The following ITIH6 variants were observed in gnomAD, a reference collection of about 807,000 sequenced individuals.
The protein encoded by ITIH6 is inter-alpha-trypsin inhibitor heavy chain family member 6.
ITIH6 carries 60 observed loss-of-function variants against 58.2 expected under a neutral mutation model. The ratio of observed to expected loss-of-function variants is 1.03; its 90% CI spans 0.84 to 1.28. The LOEUF (loss-of-function observed/expected upper bound fraction) is 1.28, where lower values mean the gene tolerates loss of function less well. ITIH6 is among the 50% of genes most tolerant of loss of function. ITIH6 has a pLI of 0.00. For missense variants in ITIH6, 1,290 were observed against 1,021.1 expected (o/e 1.26, Z -3.59); for synonymous variants, 493 against 417.4 (o/e 1.18, Z -2.21).
intron 2 of ITIH6, among the ~76,000 whole-genome samples, chrX:54,793,117 C>G (rs1929377979): frequency 9.0e-6 from 1 of 111,275 alleles, no homozygotes; most frequent in Admixed American, 9.6e-5. Context: ...GAACTTCAGA[C>G]CCATCCAATT....
rs1469099263 is a variant in ITIH6 at position 54,791,088 on chromosome X, G to A, written c.369-4C>T. The stretch of plus-strand genomic sequence containing the variant: ...GAACTTCTCTGATTCCCGGTCCCTG[G>A]GCAGGAAAGGGAGGATGGTGGGAAG... On this transcript the variant is annotated splice_region_variant and splice_polypyrimidine_tract_variant and intron_variant, in intron 3 of 12. Coordinates refer to ENST00000218436, the MANE Select transcript of ITIH6 (RefSeq NM_198510.3). 7.5e-6 allele frequency: 9 copies of A among 1,207,954 alleles called. No homozygotes were observed.
chrX:54,759,685 G>T, intron 7 of ITIH6, 71 bp downstream of exon 7: 2 of 894,478 alleles, frequency 2.2e-6, no homozygotes, highest in Non-Finnish European at 3.1e-6. Flanking sequence ...ATGGGGGAAT[G>T]AAGAGAGGGT....
chrX:54,797,529 C>T (rs755932267), intron 1 of ITIH6, among the ~76,000 whole-genome samples: 1 of 112,135 alleles, frequency 8.9e-6, no homozygotes, highest in South Asian at 3.7e-4. Flanking sequence ...AGCAGAGCAT[C>T]CGCCATTCAT....
At chrX:54,773,856 G>A (rs1929001417) in intron 6 of ITIH6, among the ~76,000 whole-genome samples, 1 of 110,123 alleles carries the variant, frequency 9.1e-6, no homozygotes. Context: ...GGTCTCAATG[G>A]TTTCACAGTG....
intron 6 of ITIH6, among the ~76,000 whole-genome samples, chrX:54,768,718 C>T (rs1409270173): frequency 9.6e-6 from 1 of 103,908 alleles, no homozygotes; most frequent in Non-Finnish European, 1.9e-5. Context: ...CCACTCTCTT[C>T]TGGCTTGTAG....
At chrX:54,794,923 ACCT>A (rs1929413848) in intron 2 of ITIH6, among the ~76,000 whole-genome samples, 1 of 111,288 alleles carries the variant, frequency 9.0e-6, no homozygotes, top group African/African-American at 3.3e-5. Flanking sequence ...CTTGTTTATC[ACCT>A]CAACAGGGTA....
Position 54,751,319 on chromosome X carries a change from A to T in ITIH6, c.3414T>A (p.Thr1138=), listed in dbSNP as rs755171349. ...CTGTGATGATCTGGAAGTAGGTGCG[A>T]GTCTGGTCCTTGTGGCCCGGCCTTG... ...APPRPGHKDQ[T]RTYFQIITVT... The change falls in exon 12 of 13, where the codon ACT becomes ACA. Residue 1138 remains threonine, a synonymous_variant. Transcript: ENST00000218436. 8.3e-7 allele frequency: 1 copy of T among 1,211,786 alleles called. No homozygotes were observed.
rs867495867 is a variant in ITIH6, at chrX:54,760,402, C to T, written c.904-475G>A. ...TATATGGTTCCTGGGCTCCATGACC[C>T]GGGATTCAATGATGTTTAGGACCTT... is the stretch of plus-strand genomic sequence containing the variant. On this transcript the variant is annotated intron_variant, in intron 6 of 12. Coordinates refer to ENST00000218436, the MANE Select transcript of ITIH6 (RefSeq NM_198510.3). Among the ~76,000 whole-genome samples the T allele has an allele frequency of 1.8e-4, 20 of 110,915 alleles. 1 individual carries two copies. The Middle Eastern group carries it at 0.023, about 128-fold the overall frequency.
At chrX:54,770,384 C>T (rs779698292) in intron 6 of ITIH6, among the ~76,000 whole-genome samples, 2 of 112,924 alleles carry the variant, frequency 1.8e-5, no homozygotes, top group African/African-American at 3.2e-5. Flanking sequence ...TGTTCCTATT[C>T]GGCCATCTTG....
chrX:54,758,047 G>A lies in ITIH6; in HGVS notation c.2027C>T (p.Ala676Val), dbSNP rs1449017771. The A allele has an allele frequency of 8.3e-7, 1 of 1,211,073 alleles. No individual in the cohort carries two copies. The highest frequency in any genetic ancestry group is 1.1e-6 in the Non-Finnish European group (1 of 894,794). The change falls in exon 8 of 13, where the codon GCC becomes GTC. Residue 676 changes from alanine (A) to valine (V), a missense_variant. Physicochemically the swap from Ala to Val is moderately conservative, Grantham distance 64 (BLOSUM62 0). Coordinates refer to ENST00000218436, the MANE Select transcript of ITIH6 (RefSeq NM_198510.3). ...GGAACTTAGCATCTTCTTGGTAGAG[G>A]CAGTAGTAGTTGAGGATAAGTAGAA... The part of the protein sequence containing the change: ...PKFYLSSTTT[A>V]STKKMLSSKE...
At chrX:54,783,156 C>T (rs189867925) in intron 5 of ITIH6, among the ~76,000 whole-genome samples, 1 of 111,998 alleles carries the variant, frequency 8.9e-6, no homozygotes, top group African/African-American at 3.2e-5. Context: ...TGACAAAAAC[C>T]TTCAAAACAC....
At chrX:54,783,666 A>G (rs1929187819) in intron 5 of ITIH6, among the ~76,000 whole-genome samples, 1 of 112,062 alleles carries the variant, frequency 8.9e-6, no homozygotes, top group South Asian at 3.7e-4. Flanking sequence ...AGTATAAAAC[A>G]CTGTTAAAGG....
At position 54,770,721 on chromosome X, in the gene ITIH6, T is replaced by G. The variant is rs371391297; in HGVS notation, c.903+3360A>C. 4.2e-4 allele frequency among the ~76,000 whole-genome samples: 47 copies of G among 112,534 alleles called. 1 individual carries two copies. The East Asian group carries it at 9.7e-3, about 23-fold the overall frequency. Reference sequence around the variant, plus strand: ...ACATTCACTAAATACATTGTTATTTTGAAAAAATATTATCTGTTAGGTCAG... The same window carrying G: ...ACATTCACTAAATACATTGTTATTTGGAAAAAATATTATCTGTTAGGTCAG... On this transcript the variant is annotated intron_variant, in intron 6 of 12. Transcript: ENST00000218436.
In ITIH6 at chrX:54,751,266, G is replaced by A. The variant is rs761540029; in HGVS notation, c.3467C>T (p.Thr1156Ile). The change falls in exon 12 of 13, where the codon ACT becomes ATT. Residue 1156 changes from threonine (T) to isoleucine (I), a missense_variant. Thr to Ile is a moderately conservative substitution (Grantham distance 89). Transcript: ENST00000218436. ...TVTTDKPRAY[T>I]ITISRSSISL... ...TATAGAACTGCGGCTGATGGTGATAGTATAGGCCCGGGGTTTGTCTGTAGT... is the reference window on the plus strand; with the variant it reads ...TATAGAACTGCGGCTGATGGTGATAATATAGGCCCGGGGTTTGTCTGTAGT... 8.3e-7 allele frequency: 1 copy of A among 1,212,056 alleles called. No homozygotes were observed.
Position 54,757,362 on chromosome X carries a change from G to T in ITIH6, c.2712C>A (p.Phe904Leu), listed in dbSNP as rs745796627. ...RPPLPESLST[F>L]PNTISSSTGP... ...CTGTGGAACTTGAGATTGTATTTGG[G>T]AATGTGCTTAGGCTCTCAGGAAGTG... Residue 904 changes from phenylalanine (F) to leucine (L), a missense_variant, in exon 8 of 13, where the codon TTC (phenylalanine) becomes TTA (leucine). Transcript: ENST00000218436. The T allele has an allele frequency of 2.5e-6, 3 of 1,208,281 alleles. No individual in the cohort carries two copies. The highest frequency in any genetic ancestry group is 3.4e-6 in the Non-Finnish European group (3 of 893,687).
rs1602051344 is a variant in ITIH6 at position 54,757,890 on chromosome X, A to C, written c.2184T>G (p.Leu728=). Residue 728 remains leucine (L), a synonymous_variant, in exon 8 of 13, where the codon CTT becomes CTG. Transcript: ENST00000218436. ...QPTLRTKPTI[L]VPSNSGTLLP... is the part of the protein sequence containing the mutation. ...ACAGAGTACCAGAATTTGAGGGCAC[A>C]AGAATGGTAGGTTTTGTCCTGAGAG... 8.3e-7 allele frequency: 1 copy of C among 1,211,632 alleles called. No individual in the cohort carries two copies.
chrX:54,772,553 A>G (rs924069799), intron 6 of ITIH6, among the ~76,000 whole-genome samples: 1 of 112,556 alleles, frequency 8.9e-6, no homozygotes, highest in Non-Finnish European at 1.9e-5. Context: ...GATAATTTCG[A>G]CATATCTGAC....
At chrX:54,780,017 A>G (rs1929122358) in intron 5 of ITIH6, among the ~76,000 whole-genome samples, 1 of 111,794 alleles carries the variant, frequency 8.9e-6, no homozygotes, top group South Asian at 3.7e-4. Context: ...GAGAACCAAG[A>G]TATATAAGGT....
At chrX:54,796,024 C>A (rs1033640121) in intron 2 of ITIH6, among the ~76,000 whole-genome samples, 1 of 111,251 alleles carries the variant, frequency 9.0e-6, no homozygotes, top group Non-Finnish European at 1.9e-5. Flanking sequence ...ACCACCACAC[C>A]CTGCTAATTT....
Sources: gnomAD v4.1 joint callset for allele counts (sites outside exome capture counted in the v4.1 genomes callset) on GRCh38, gnomAD v4.1.1 for gene constraint, MANE v1.5 for transcripts, NCBI Gene and HGNC (gene_info 2026-07-23, HGNC 2026-07-21) for gene names.